Variants in ANKS1B observed in about 807,000 individuals in gnomAD.
The protein encoded by ANKS1B is ankyrin repeat and sterile alpha motif domain containing 1B.
ANKS1B carries 36 observed loss-of-function variants against 148.3 expected under a neutral mutation model. The ratio of observed to expected loss-of-function variants is 0.24; its 90% CI spans 0.19 to 0.32. ANKS1B has a LOEUF of 0.32. Ranked by LOEUF, ANKS1B falls within the 10% of genes least tolerant of loss-of-function variation. The pLI, the probability that ANKS1B is intolerant of heterozygous loss-of-function variation, is 1.00. For missense variants in ANKS1B, 1,157 were observed against 1,542.6 expected, an observed-to-expected ratio of 0.75 and a Z score of 4.19; for synonymous variants, 542 against 560.8, an observed-to-expected ratio of 0.97 and a Z score of 0.47.
intron 15 of ANKS1B, among the ~76,000 whole-genome samples, chr12:99,112,105 T>C (rs1214390211): frequency 6.6e-6 from 1 of 152,124 alleles, no homozygotes; most frequent in Admixed American, 6.6e-5. Context: ...ATCATCCCCA[T>C]TTTATAGAAG....
At chr12:99,836,057 A>G (rs2084807869) in intron 1 of ANKS1B, among the ~76,000 whole-genome samples, 1 of 152,246 alleles carries the variant, frequency 6.6e-6, no homozygotes, top group Non-Finnish European at 1.5e-5. Context: ...TCTAAGTAAG[A>G]TAGATATACA....
chr12:98,957,563 G>A (rs1223388852), intron 17 of ANKS1B, among the ~76,000 whole-genome samples: 1 of 151,922 alleles, frequency 6.6e-6, no homozygotes, highest in Admixed American at 6.6e-5. Flanking sequence ...GGCCAGGATG[G>A]TCTCAAACTC....
chr12:99,919,791 A>AAAAAAAAC (rs752118693), intron 1 of ANKS1B, among the ~76,000 whole-genome samples: 11 of 151,914 alleles, frequency 7.2e-5, no homozygotes, highest in Admixed American at 1.3e-4. Context: ...AAAAAAAAAA[A>AAAAAAAAC]AAACCTGGAT....
intron 12 of ANKS1B, among the ~76,000 whole-genome samples, chr12:99,381,085 G>A (rs1356796681): frequency 2.6e-5 from 4 of 152,190 alleles, no homozygotes; most frequent in African/African-American, 7.2e-5. Flanking sequence ...GAAGCTGGAA[G>A]AGGCAAGAAA....
intron 9 of ANKS1B, among the ~76,000 whole-genome samples, chr12:99,517,327 T>G (rs1484436058): frequency 6.6e-6 from 1 of 152,030 alleles, no homozygotes; most frequent in Non-Finnish European, 1.5e-5. Context: ...TGTTGGCATA[T>G]AGAAATGCTA....
chr12:99,243,872 G>A (rs2089814084), intron 14 of ANKS1B, among the ~76,000 whole-genome samples: 1 of 152,120 alleles, frequency 6.6e-6, no homozygotes, highest in Non-Finnish European at 1.5e-5. Flanking sequence ...CCTCTTGCGG[G>A]GTGGGGAGCT....
chr12:99,482,445 T>C (rs2096426674), intron 10 of ANKS1B, among the ~76,000 whole-genome samples: 1 of 152,108 alleles, frequency 6.6e-6, no homozygotes, highest in Non-Finnish European at 1.5e-5. Context: ...GCAGTATAAT[T>C]TGAAGTCTGG....
At chr12:99,793,852 A>C (rs896112786) in intron 4 of ANKS1B, among the ~76,000 whole-genome samples, 1 of 152,152 alleles carries the variant, frequency 6.6e-6, no homozygotes, top group Non-Finnish European at 1.5e-5. Flanking sequence ...GCTTCTGCAC[A>C]GCAAAAGAAA....
At chr12:98,880,334 AG>A (rs1260174467) in intron 17 of ANKS1B, among the ~76,000 whole-genome samples, 4 of 152,242 alleles carry the variant, frequency 2.6e-5, no homozygotes, top group African/African-American at 9.6e-5. Flanking sequence ...TCAAATAACA[AG>A]TGACTAAAAT....
chr12:99,176,590 T>C (rs1464592990), intron 14 of ANKS1B, among the ~76,000 whole-genome samples: 1 of 152,162 alleles, frequency 6.6e-6, no homozygotes, highest in Non-Finnish European at 1.5e-5. Flanking sequence ...AATGTCAAAC[T>C]ATATCATGTT....
Position 99,082,923 on chromosome 12 carries a change from G to C in ANKS1B, c.2625+2002C>G, listed in dbSNP as rs576858795. Among the ~76,000 whole-genome samples the C allele has an allele frequency of 5.9e-5, 9 of 152,258 alleles. No individual in the cohort carries two copies. In the South Asian group the frequency reaches 1.0e-3, roughly 18 times the overall value. Reference sequence around the variant, plus strand: ...CTAGGTGCTATAGATACAGCAGTATGGAAGCCATTGCTGAAAGTGAGAACA... The same window carrying C: ...CTAGGTGCTATAGATACAGCAGTATCGAAGCCATTGCTGAAAGTGAGAACA... On this transcript the variant is annotated intron_variant, in intron 16 of 26. Transcript: ENST00000683438.
At chr12:99,095,771 G>A (rs1365025896) in intron 15 of ANKS1B, among the ~76,000 whole-genome samples, 1 of 152,154 alleles carries the variant, frequency 6.6e-6, no homozygotes, top group Non-Finnish European at 1.5e-5. Flanking sequence ...AGGGATACTA[G>A]GAAGAATGAA....
chr12:99,561,707 A>G (rs979705792), intron 9 of ANKS1B, among the ~76,000 whole-genome samples: 5 of 152,092 alleles, frequency 3.3e-5, no homozygotes, highest in Non-Finnish European at 7.4e-5. Flanking sequence ...TCCATTTCTA[A>G]TTCACTCACT....
At chr12:99,390,018 C>G (rs1306052308) in intron 12 of ANKS1B, among the ~76,000 whole-genome samples, 1 of 152,126 alleles carries the variant, frequency 6.6e-6, no homozygotes, top group African/African-American at 2.4e-5. Context: ...GAATTTAAGA[C>G]TCTGGTGCCT....
intron 12 of ANKS1B, among the ~76,000 whole-genome samples, chr12:99,271,089 T>C (rs1039878453): frequency 3.9e-5 from 6 of 152,252 alleles, no homozygotes; most frequent in African/African-American, 1.4e-4. Flanking sequence ...CCTATCTCTC[T>C]GGCATAACAT....
chr12:99,510,376 G>C (rs1002318517), intron 9 of ANKS1B, among the ~76,000 whole-genome samples: 1 of 151,974 alleles, frequency 6.6e-6, no homozygotes, highest in African/African-American at 2.4e-5. Flanking sequence ...ATGCCATTCA[G>C]AACATTTGTG....
chr12:98,854,459 G>C (rs2099550835), intron 17 of ANKS1B, among the ~76,000 whole-genome samples: 1 of 152,126 alleles, frequency 6.6e-6, no homozygotes, highest in Non-Finnish European at 1.5e-5. Flanking sequence ...TTATGAGCCA[G>C]GCTTTATGCG....
chr12:99,032,279 G>A (rs1282583126), intron 17 of ANKS1B, among the ~76,000 whole-genome samples: 1 of 152,196 alleles, frequency 6.6e-6, no homozygotes, highest in Non-Finnish European at 1.5e-5. Flanking sequence ...TAAGGTTGTT[G>A]TATAAATTAC....
chr12:98,759,842 T>G (rs1486153305), intron 25 of ANKS1B, among the ~76,000 whole-genome samples: 1 of 151,978 alleles, frequency 6.6e-6, no homozygotes, highest in African/African-American at 2.4e-5. Flanking sequence ...TAGCTGGGCG[T>G]GGTGGTGCAC....
Sources: gnomAD v4.1 joint callset for allele counts (sites outside exome capture counted in the v4.1 genomes callset) on GRCh38, gnomAD v4.1.1 for gene constraint, MANE v1.5 for transcripts, NCBI Gene and HGNC (gene_info 2026-07-23, HGNC 2026-07-21) for gene names.